The following RSF1 variants were observed in gnomAD, a reference collection of about 807,000 sequenced individuals.
RSF1 encodes HBV pX-associated protein 8.
In RSF1, 13 loss-of-function variants were observed where a neutral mutation model predicts 145.2. The ratio of observed to expected loss-of-function variants is 0.09; its 90% CI spans 0.06 to 0.14. RSF1 has a LOEUF of 0.14. Ranked by LOEUF, RSF1 falls within the 10% of genes least tolerant of loss-of-function variation. RSF1 has a pLI of 1.00. For synonymous variants in RSF1, 577 were observed against 592.6 expected (o/e 0.97, Z 0.38); for missense variants, 1,517 against 1,718.2 (o/e 0.88, Z 2.07).
intron 1 of RSF1, among the ~76,000 whole-genome samples, chr11:77,813,090 G>C (rs189940801): frequency 1.3e-5 from 2 of 152,056 alleles, no homozygotes; most frequent in Admixed American, 1.3e-4. Flanking sequence ...TGCTTCTTCT[G>C]TTTATTAACA....
At chr11:77,674,020 T>C (rs1959625865) in intron 14 of RSF1, among the ~76,000 whole-genome samples, 1 of 152,198 alleles carries the variant, frequency 6.6e-6, no homozygotes, top group Non-Finnish European at 1.5e-5. Flanking sequence ...ATGGAGATAC[T>C]TGTTAAAAAT....
intron 1 of RSF1, among the ~76,000 whole-genome samples, chr11:77,789,384 C>A (rs773581029): frequency 1.1e-4 from 16 of 152,210 alleles, no homozygotes; most frequent in South Asian, 6.2e-4. Flanking sequence ...CTGTCCCCAA[C>A]AGACTGCCCA....
At chr11:77,856,111 C>CT in the RSF1 span, among the ~76,000 whole-genome samples, 11 of 152,154 alleles carry the variant, frequency 7.2e-5, no homozygotes, top group African/African-American at 2.6e-4. Flanking sequence ...GAGTGACACT[C>CT]TGTCTCAAAA....
At chr11:77,835,503 A>G in the RSF1 span, among the ~76,000 whole-genome samples, 1 of 152,166 alleles carries the variant, frequency 6.6e-6, no homozygotes, top group South Asian at 2.1e-4. Context: ...TCTAAATCAG[A>G]CTCATCTTCC....
At position 77,760,320 on chromosome 11, in the gene RSF1, G is replaced by C. The variant is rs570342597; in HGVS notation, c.279+4278C>G. On this transcript the variant is annotated intron_variant, in intron 2 of 15. Transcript: ENST00000308488. ...ATCATTATACTAATACTAAGTGAAA[G>C]AAAATACAAAAGACCACATATTTTA... Among the ~76,000 whole-genome samples the C allele has an allele frequency of 1.4e-4, 21 of 152,262 alleles. No homozygotes were observed. The South Asian group carries it at 3.9e-3, about 29-fold the overall frequency.
the RSF1 span, among the ~76,000 whole-genome samples, chr11:77,850,079 T>C: frequency 6.6e-6 from 1 of 152,230 alleles, no homozygotes; most frequent in Admixed American, 6.5e-5. Flanking sequence ...GAATTGAAAT[T>C]TTCATTATAA....
rs1959311705 is a variant in RSF1, at chr11:77,664,427, G to C, written c.*2490C>G. 6.6e-6 allele frequency: 1 copy of C among 152,188 alleles called. No homozygotes were observed. 9.4% of individuals were successfully genotyped at this position (152,188 alleles called of 1,614,324 possible). On this transcript the variant is annotated 3_prime_UTR_variant, in exon 16 of 16. Transcript: ENST00000308488. The stretch of plus-strand genomic sequence containing the variant: ...CCTAAATGGAATACTCAGTCTTTGA[G>C]ATGGTAAGAATTACCTTAGGCTTTC...
chr11:77,710,105 T>C (rs1305514556), intron 5 of RSF1, among the ~76,000 whole-genome samples: 3 of 152,320 alleles, frequency 2.0e-5, no homozygotes, highest in Non-Finnish European at 1.5e-5. Flanking sequence ...ATGCCTTTTC[T>C]AATAATAATT....
the RSF1 span, among the ~76,000 whole-genome samples, chr11:77,834,001 G>T: frequency 6.6e-6 from 1 of 152,164 alleles, no homozygotes; most frequent in Admixed American, 6.6e-5. Context: ...TGTAGATGAA[G>T]AAAACTGCTT....
rs11381383 is a variant in RSF1, at chr11:77,761,828, A to ATTTT, written c.279+2766_279+2769dup. Among the ~76,000 whole-genome samples, 105 of 119,538 alleles carry ATTTT rather than the reference A, an allele frequency of 8.8e-4. 3 individuals are homozygous for ATTTT. Among genetic ancestry groups the ATTTT allele is most frequent in the African/African-American group, 3.2e-3 (95 of 30,120 alleles). 78.4% of individuals were successfully genotyped at this position (119,538 alleles called of 152,430 possible). On this transcript the variant is annotated intron_variant, in intron 2 of 15. Coordinates refer to ENST00000308488, the MANE Select transcript of RSF1 (RefSeq NM_016578.4). ...TGCTAGTTTAAATTTCCATTCGGTG[A>ATTTT]TTTTTTTTTTTTTTTTTTTTGAGAC...
the RSF1 span, among the ~76,000 whole-genome samples, chr11:77,826,902 C>T: frequency 6.6e-6 from 1 of 152,124 alleles, no homozygotes; most frequent in Non-Finnish European, 1.5e-5. Flanking sequence ...GTCAGAAGTT[C>T]GAGACCAGCC....
intron 11 of RSF1, among the ~76,000 whole-genome samples, chr11:77,679,374 T>C (rs1270728319): frequency 6.6e-6 from 1 of 152,226 alleles, no homozygotes; most frequent in Non-Finnish European, 1.5e-5. Flanking sequence ...ATAAATACTA[T>C]TAAGTCCTAA....
the RSF1 span, among the ~76,000 whole-genome samples, chr11:77,861,119 A>G: frequency 6.6e-6 from 1 of 152,036 alleles, no homozygotes; most frequent in Non-Finnish European, 1.5e-5. Context: ...GCTCGTCCAT[A>G]TTGTCCTTCT....
At chr11:77,767,595 C>A (rs1446789457) in intron 1 of RSF1, among the ~76,000 whole-genome samples, 1 of 152,154 alleles carries the variant, frequency 6.6e-6, no homozygotes, top group Non-Finnish European at 1.5e-5. Flanking sequence ...CAGCCCATTA[C>A]CTATGTGGGC....
chr11:77,678,301 C>T, intron 11 of RSF1, 148 bp from the exon 12 acceptor site: 1 of 412,164 alleles, frequency 2.4e-6, no homozygotes, highest in Non-Finnish European at 4.1e-6. Context: ...ACTGCAACCT[C>T]TGCCTCCCGG....
the RSF1 span, among the ~76,000 whole-genome samples, chr11:77,836,952 C>T: frequency 4.6e-5 from 7 of 151,988 alleles, no homozygotes; most frequent in African/African-American, 9.7e-5. Flanking sequence ...GCAACAAGAG[C>T]GAAACTCCAT....
chr11:77,837,059 G>C, the RSF1 span, among the ~76,000 whole-genome samples: 1 of 152,206 alleles, frequency 6.6e-6, no homozygotes, highest in Non-Finnish European at 1.5e-5. Flanking sequence ...TTATGAATTT[G>C]TATCTTCCTT....
At chr11:77,775,710 G>C (rs887905531) in intron 1 of RSF1, among the ~76,000 whole-genome samples, 9 of 152,192 alleles carry the variant, frequency 5.9e-5, no homozygotes, top group Admixed American at 5.9e-4. Context: ...TGAGGAAGGA[G>C]GATAGCTGGA....
chr11:77,725,513 A>C lies in RSF1; in HGVS notation c.733+32T>G, dbSNP rs763729019. ...TGGAAGAATATGGAAGAGATTACAA[A>C]ACAAAGCAAAACAAAACACACAAAA... On this transcript the variant is annotated intron_variant, in intron 5 of 15. Coordinates refer to ENST00000308488, the MANE Select transcript of RSF1 (RefSeq NM_016578.4). 8.0e-6 allele frequency: 12 copies of C among 1,495,784 alleles called. No individual in the cohort carries two copies. In the South Asian group the frequency reaches 1.5e-4, roughly 19 times the overall value. 92.7% of individuals were successfully genotyped at this position (1,495,784 alleles called of 1,614,324 possible).
Sources: gnomAD v4.1 joint callset for allele counts (sites outside exome capture counted in the v4.1 genomes callset) on GRCh38, gnomAD v4.1.1 for gene constraint, MANE v1.5 for transcripts, NCBI Gene and HGNC (gene_info 2026-07-23, HGNC 2026-07-21) for gene names.